The following PRR5L variants were observed in gnomAD, a reference collection of about 807,000 sequenced individuals.
The protein encoded by PRR5L is proline-rich protein 5-like.
Under a neutral mutation model 36.4 loss-of-function variants are expected in PRR5L, and 21 were observed. The ratio of observed to expected loss-of-function variants is 0.58; its 90% CI spans 0.41 to 0.83. The LOEUF is 0.83. PRR5L is among the 40% of genes least tolerant of loss of function. The probability of loss-of-function intolerance (pLI) is 0.00; values close to 1 mark genes in which losing one functional copy is unlikely to be tolerated. For synonymous variants in PRR5L, 188 were observed against 197.0 expected (o/e 0.95, Z 0.38); for missense variants, 381 against 473.3 (o/e 0.80, Z 1.81).
chr11:36,400,735 C>T (rs1857774291), intron 1 of PRR5L, among the ~76,000 whole-genome samples: 1 of 152,186 alleles, frequency 6.6e-6, no homozygotes, highest in Admixed American at 6.5e-5. Flanking sequence ...CAGAGTCTAG[C>T]ACAGCTTAGA....
At chr11:36,409,629 G>A (rs952525150) in intron 3 of PRR5L, among the ~76,000 whole-genome samples, 3 of 152,214 alleles carry the variant, frequency 2.0e-5, no homozygotes, top group African/African-American at 7.2e-5. Context: ...GGAGGAAGGT[G>A]AGCCTGGATC....
At chr11:36,328,623 A>C (rs993927663) in intron 1 of PRR5L, among the ~76,000 whole-genome samples, 6 of 152,130 alleles carry the variant, frequency 3.9e-5, no homozygotes, top group African/African-American at 1.4e-4. Flanking sequence ...TTTTTTCTTT[A>C]GAAATTACCC....
intron 1 of PRR5L, among the ~76,000 whole-genome samples, chr11:36,341,456 A>G (rs1269014656): frequency 6.6e-6 from 1 of 152,198 alleles, no homozygotes. Flanking sequence ...TCTAGCATAC[A>G]TAGTTAAGAT....
chr11:36,363,234 G>A (rs534963179), intron 1 of PRR5L, among the ~76,000 whole-genome samples: 44 of 152,306 alleles, frequency 2.9e-4, no homozygotes, highest in African/African-American at 1.0e-3. Flanking sequence ...AGAAAGAGAG[G>A]CAAATATTTA....
intron 1 of PRR5L, among the ~76,000 whole-genome samples, chr11:36,385,829 C>A (rs1432900815): frequency 1.3e-5 from 2 of 152,242 alleles, no homozygotes; most frequent in Non-Finnish European, 2.9e-5. Flanking sequence ...CTCCACTGAC[C>A]AGCAAACAGA....
chr11:36,416,347 A>G (rs1387597811), intron 3 of PRR5L, among the ~76,000 whole-genome samples: 1 of 152,230 alleles, frequency 6.6e-6, no homozygotes, highest in Non-Finnish European at 1.5e-5. Context: ...TGTTCAGATA[A>G]TTCTATGAAC....
chr11:36,359,186 G>T (rs1857059154), intron 1 of PRR5L, among the ~76,000 whole-genome samples: 1 of 152,178 alleles, frequency 6.6e-6, no homozygotes, highest in Non-Finnish European at 1.5e-5. Flanking sequence ...TGGCAGATTT[G>T]AACTAAAGAT....
chr11:36,357,540 T>TGG (rs1289823090), intron 1 of PRR5L, among the ~76,000 whole-genome samples: 1 of 152,178 alleles, frequency 6.6e-6, no homozygotes, highest in Non-Finnish European at 1.5e-5. Flanking sequence ...GACTTTAAGT[T>TGG]GAAGTCAGTC....
At chr11:36,358,812 G>A (rs759803177) in intron 1 of PRR5L, among the ~76,000 whole-genome samples, 1 of 152,198 alleles carries the variant, frequency 6.6e-6, no homozygotes, top group African/African-American at 2.4e-5. Flanking sequence ...AAAAGGGCTG[G>A]CAAAGGGGAA....
At chr11:36,431,678 T>A (rs1858497616) in intron 4 of PRR5L, among the ~76,000 whole-genome samples, 175 bp from the exon 5 acceptor site, 1 of 152,108 alleles carries the variant, frequency 6.6e-6, no homozygotes, top group Non-Finnish European at 1.5e-5. Context: ...AGTCTCACTG[T>A]CTTCTCCGGA....
chr11:36,439,729 G>A (rs1858682359), intron 6 of PRR5L, among the ~76,000 whole-genome samples: 1 of 152,202 alleles, frequency 6.6e-6, no homozygotes, highest in South Asian at 2.1e-4. Context: ...GGCAAACTGT[G>A]CCTTCCTCCT....
intron 1 of PRR5L, among the ~76,000 whole-genome samples, chr11:36,351,132 A>G (rs1400567747): frequency 9.1e-6 from 1 of 109,604 alleles, no homozygotes; most frequent in Non-Finnish European, 1.7e-5. Context: ...TGTATTTTAT[A>G]TATAAATATA....
chr11:36,356,077 A>G (rs1271852485), intron 1 of PRR5L, among the ~76,000 whole-genome samples: 1 of 149,092 alleles, frequency 6.7e-6, no homozygotes, highest in Non-Finnish European at 1.5e-5. Context: ...ATGCTCAGCT[A>G]ATTTTTGTAT....
intron 1 of PRR5L, among the ~76,000 whole-genome samples, chr11:36,385,606 C>T (rs1358340845): frequency 1.3e-5 from 2 of 152,218 alleles, no homozygotes; most frequent in East Asian, 1.9e-4. Flanking sequence ...TCTCTGCACT[C>T]GGTTTCCAGT....
At chr11:36,447,148 AC>A (rs1227114025) in intron 7 of PRR5L, among the ~76,000 whole-genome samples, 1 of 152,238 alleles carries the variant, frequency 6.6e-6, no homozygotes, top group Non-Finnish European at 1.5e-5. Flanking sequence ...TGTGCCGGGC[AC>A]AGGCCAAGGA....
intron 1 of PRR5L, among the ~76,000 whole-genome samples, chr11:36,379,976 C>T (rs1196906055): frequency 6.6e-6 from 1 of 152,142 alleles, no homozygotes; most frequent in African/African-American, 2.4e-5. Context: ...GTTAATTTCC[C>T]AGTGTCACAC....
chr11:36,359,319 C>T (rs1301406927), intron 1 of PRR5L, among the ~76,000 whole-genome samples: 1 of 152,126 alleles, frequency 6.6e-6, no homozygotes, highest in Non-Finnish European at 1.5e-5. Context: ...GGAGAGAGGC[C>T]ACAGTCACTT....
At chr11:36,405,741 T>G (rs190789456) in intron 3 of PRR5L, among the ~76,000 whole-genome samples, 133 of 152,344 alleles carry the variant, frequency 8.7e-4, no homozygotes, top group Non-Finnish European at 1.5e-3. Flanking sequence ...TTTCTCAATG[T>G]CCTGGAGGCT....
chr11:36,456,238 G>A (rs141054989), intron 8 of PRR5L, among the ~76,000 whole-genome samples: 57 of 152,326 alleles, frequency 3.7e-4, no homozygotes, highest in Admixed American at 1.2e-3. Flanking sequence ...GTGGCCTGGC[G>A]TCCGTGGAAT....
Sources: allele counts gnomAD v4.1 joint callset (sites outside exome capture counted in the v4.1 genomes callset), GRCh38; gene constraint gnomAD v4.1.1; transcripts MANE v1.5; gene names NCBI Gene and HGNC (gene_info 2026-07-23, HGNC 2026-07-21).